FUCA1: variants seen among roughly 807,000 people sequenced by gnomAD.
The protein encoded by FUCA1 is alpha-L-fucosidase 1.
In FUCA1, 52 loss-of-function variants were observed where a neutral mutation model predicts 56.8. The ratio of observed to expected loss-of-function variants is 0.92; its 90% confidence interval spans 0.73 to 1.15. The LOEUF is 1.15. FUCA1 is among the 50% of genes most tolerant of loss of function. FUCA1 has a pLI of 0.00. For missense variants in FUCA1, 568 were observed against 592.6 expected (o/e 0.96, Z 0.43); for synonymous variants, 230 against 226.6 (o/e 1.02, Z -0.14).
chr1:23,858,912 G>A (rs1210152339), intron 4 of FUCA1, among the ~76,000 whole-genome samples: 1 of 151,972 alleles, frequency 6.6e-6, no homozygotes, highest in African/African-American at 2.4e-5. Context: ...TACCTCCCGA[G>A]TAGCTGGGAC....
At position 23,850,768 on chromosome 1, in the gene FUCA1, C is replaced by G. The variant is rs373993288; in HGVS notation, c.970-1929G>C. 2.6e-5 allele frequency among the ~76,000 whole-genome samples: 4 copies of G among 152,008 alleles called. No homozygotes were observed. In the East Asian group the frequency reaches 7.8e-4, roughly 30 times the overall value. ...CCCAAAGTGCTGGGATTACAGGTGT[C>G]AGCCACCGTGCCTGGCCACTTATTT... On this transcript the variant is annotated intron_variant, in intron 5 of 7. Transcript: ENST00000374479.
rs1172298179 is a variant in FUCA1, at chr1:23,848,833, C to T, written c.976G>A (p.Val326Ile). 1 of 1,613,860 alleles carries T rather than the reference C, an allele frequency of 6.2e-7. No individual in the cohort carries two copies. Among genetic ancestry groups the T allele is most frequent in the African/African-American group, 1.3e-5 (1 of 74,930 alleles). ...TTGCCTCCCAAACTTACTGTCTGAACCAGTTCCTGGAGAGAACAGAAACAA... is the reference window on the plus strand; with the variant it reads ...TTGCCTCCCAAACTTACTGTCTGAATCAGTTCCTGGAGAGAACAGAAACAA... ...TEESEIISEL[V>I]QTVSLGGNYL... Residue 326 changes from valine (V) to isoleucine (I), a missense_variant, in exon 6 of 8, where the codon GTT (valine) becomes ATT (isoleucine). Val to Ile is a conservative substitution (Grantham distance 29). Transcript: ENST00000374479.
chr1:23,852,657 T>G (rs1187798576), intron 5 of FUCA1, among the ~76,000 whole-genome samples: 1 of 152,122 alleles, frequency 6.6e-6, no homozygotes, highest in East Asian at 1.9e-4. Flanking sequence ...CGTATTTTTT[T>G]GGTGGAGACG....
chr1:23,867,013 G>A lies in FUCA1; in HGVS notation c.389+885C>T, dbSNP rs1639636491. Among the ~76,000 whole-genome samples, 1 of 152,204 alleles carries A rather than the reference G, an allele frequency of 6.6e-6. No individual in the cohort carries two copies. Among genetic ancestry groups the A allele is most frequent in the African/African-American group, 2.4e-5 (1 of 41,454 alleles). On this transcript the variant is annotated intron_variant, in intron 1 of 7. Transcript: ENST00000374479. The surrounding 1 kb of genome is among the most constrained non-coding windows in gnomAD (Gnocchi z 4.9). ...GTTCAAGAGAAACGAAAACCCGGAA[G>A]ATGGCTGAGGAACCAAGGTAAGGAT... is the stretch of plus-strand genomic sequence containing the variant.
Position 23,865,611 on chromosome 1 carries a change from G to A in FUCA1, c.404C>T (p.Thr135Met), listed in dbSNP as rs779017131. Residue 135 changes from threonine to methionine, a missense_variant, in exon 2 of 8, where the codon ACG (threonine) becomes ATG (methionine). Thr to Met is a moderately conservative substitution (Grantham distance 81, BLOSUM62 -1). Transcript: ENST00000374479. ...TGTGAAGCCTTCGTGATGCTTTGTC[G>A]TCAAAACTACATACCTGTGGACAGC... Reference protein sequence around the residue: ...QAAGAKYVVLTTKHHEGFTNW... With the variant: ...QAAGAKYVVLMTKHHEGFTNW... 1.2e-5 allele frequency: 19 copies of A among 1,614,078 alleles called. No individual in the cohort carries two copies. Among genetic ancestry groups the A allele is most frequent in the East Asian group, 2.2e-5 (1 of 44,902 alleles).
intron 2 of FUCA1, among the ~76,000 whole-genome samples, chr1:23,863,722 C>T (rs751875607): frequency 6.6e-5 from 10 of 152,004 alleles, no homozygotes; most frequent in East Asian, 1.9e-4. Flanking sequence ...TGTGGTGGTG[C>T]GAGCCTGTAG....
chr1:23,852,078 G>GTAATAATAATAA (rs1410102992), intron 5 of FUCA1, among the ~76,000 whole-genome samples: 10,266 of 144,978 alleles, frequency 0.071, 447 homozygotes, highest in African/African-American at 0.11. Flanking sequence ...ATGTTAGAAG[G>GTAATAATAATAA]TAATAATAAT....
At chr1:23,848,609 C>T in intron 6 of FUCA1, 40 bp downstream of exon 6, 2 of 1,586,162 alleles carry the variant, frequency 1.3e-6, no homozygotes, top group East Asian at 2.2e-5. Context: ...CCGGATGGGG[C>T]ACTGTTCTGT....
intron 2 of FUCA1, 88 bp from the exon 3 acceptor site, chr1:23,863,359 T>A: frequency 3.7e-6 from 5 of 1,343,992 alleles, no homozygotes; most frequent in Non-Finnish European, 4.1e-6. Flanking sequence ...ATTTTTTCAT[T>A]TCAGTGGCAC....
chr1:23,848,932 C>T (rs1639201359), intron 5 of FUCA1, 93 bp from the exon 6 acceptor site: 5 of 1,089,888 alleles, frequency 4.6e-6, no homozygotes, highest in Non-Finnish European at 6.9e-6. Flanking sequence ...ATCTAGGGCA[C>T]ACTCTGTTTT....
Position 23,868,166 on chromosome 1 carries a change from A to C in FUCA1, c.121T>G (p.Trp41Gly), listed in dbSNP as rs1639664870. The change falls in exon 1 of 8, where the codon TGG (tryptophan) becomes GGG (glycine). Residue 41 changes from tryptophan (W) to glycine (G), a missense_variant. Physicochemically the swap from Trp to Gly is radical, Grantham distance 184. Coordinates refer to ENST00000374479, the MANE Select transcript of FUCA1 (RefSeq NM_000147.5). Reference sequence around the variant, plus strand: ...AGCGGCCGAGAATCCAGGCTCGGCCAGTCTGGGGTGTAGCGGCGCGGAGGC... The same window carrying C: ...AGCGGCCGAGAATCCAGGCTCGGCCCGTCTGGGGTGTAGCGGCGCGGAGGC... ...AQPPRRYTPDWPSLDSRPLPA... is the reference protein window; with the variant it reads ...AQPPRRYTPDGPSLDSRPLPA... 2 of 1,608,122 alleles carry C rather than the reference A, an allele frequency of 1.2e-6. No homozygotes were observed. Among genetic ancestry groups the C allele is most frequent in the African/African-American group, 1.3e-5 (1 of 74,820 alleles).
intron 4 of FUCA1, among the ~76,000 whole-genome samples, chr1:23,857,176 G>A (rs1639408777): frequency 6.6e-6 from 1 of 152,006 alleles, no homozygotes; most frequent in Non-Finnish European, 1.5e-5. Flanking sequence ...CGTAGCAAGC[G>A]ACCTAGCTCG....
intron 6 of FUCA1, among the ~76,000 whole-genome samples, chr1:23,846,628 A>C (rs1639148702): frequency 6.8e-6 from 1 of 147,312 alleles, no homozygotes; most frequent in South Asian, 2.1e-4. Context: ...GTTGTCCAGG[A>C]TGGAGTGCAG....
intron 2 of FUCA1, 109 bp from the exon 3 acceptor site, chr1:23,863,380 G>A: frequency 9.5e-7 from 1 of 1,049,368 alleles, no homozygotes; most frequent in Non-Finnish European, 1.4e-6. Context: ...TCACTCATAA[G>A]AGCATATAGA....
Position 23,863,883 on chromosome 1 carries a change from A to G in FUCA1, c.525-612T>C, listed in dbSNP as rs80285522. 9.0e-3 allele frequency among the ~76,000 whole-genome samples: 1,374 copies of G among 152,090 alleles called. 18 individuals are homozygous for G. The highest frequency in any genetic ancestry group is 0.032 in the African/African-American group (1,341 of 41,500). Reference sequence around the variant, plus strand: ...AAAACAAAACAAAACAAAACAAAAAACCATATAGCCTTATTTTTAAAAAAT... The same window carrying G: ...AAAACAAAACAAAACAAAACAAAAAGCCATATAGCCTTATTTTTAAAAAAT... On this transcript the variant is annotated intron_variant, in intron 2 of 7. Coordinates refer to ENST00000374479, the MANE Select transcript of FUCA1 (RefSeq NM_000147.5).
At chr1:23,847,891 G>C (rs577091951) in intron 6 of FUCA1, among the ~76,000 whole-genome samples, 2 of 152,012 alleles carry the variant, frequency 1.3e-5, no homozygotes, top group African/African-American at 4.8e-5. Flanking sequence ...GCGTGGTGGC[G>C]GGTGCCTATA....
At chr1:23,857,756 C>T (rs1000462567) in intron 4 of FUCA1, among the ~76,000 whole-genome samples, 4 of 151,878 alleles carry the variant, frequency 2.6e-5, no homozygotes, top group African/African-American at 7.3e-5. Context: ...CAAGCTCCGC[C>T]TCCCGGGTTC....
chr1:23,856,905 T>G (rs1639401726), intron 4 of FUCA1, among the ~76,000 whole-genome samples: 1 of 151,916 alleles, frequency 6.6e-6, no homozygotes, highest in Admixed American at 6.6e-5. Context: ...GGCAGGAGAA[T>G]TGTGTGAACC....
chr1:23,846,066 CT>C lies in FUCA1; in HGVS notation c.1260+7del. The stretch of plus-strand genomic sequence containing the variant: ...AGTTACATCTTAAGACTGACTAAGC[CT>C]CTTTACCTTTGTAGTTGAGGTAGTT... On this transcript the variant is annotated splice_region_variant and intron_variant, in intron 7 of 7. Transcript: ENST00000374479. 1 of 1,601,962 alleles carries C rather than the reference CT, an allele frequency of 6.2e-7. No homozygotes were observed. The highest frequency in any genetic ancestry group is 8.6e-7 in the Non-Finnish European group (1 of 1,169,192).
Sources: gnomAD v4.1 joint callset for allele counts (sites outside exome capture counted in the v4.1 genomes callset) on GRCh38, gnomAD v4.1.1 for gene constraint, Gnocchi (gnomAD v3.1) non-coding constraint, MANE v1.5 for transcripts, NCBI Gene and HGNC (gene_info 2026-07-23, HGNC 2026-07-21) for gene names.